The following HNF4G variants were observed in gnomAD, a reference collection of about 807,000 sequenced individuals.
The protein encoded by HNF4G is hepatocyte nuclear factor 4-gamma.
A neutral mutation model predicts 50.9 loss-of-function variants in HNF4G; 21 were observed. The ratio of observed to expected loss-of-function variants is 0.41; its 90% CI spans 0.29 to 0.59. The LOEUF (loss-of-function observed/expected upper bound fraction) is 0.59, where lower values mean the gene tolerates loss of function less well. HNF4G is among the 20% of genes least tolerant of loss of function. The pLI is 0.26. For missense variants in HNF4G, 527 were observed against 559.4 expected (o/e 0.94, Z 0.58); for synonymous variants, 198 against 185.6 (o/e 1.07, Z -0.54).
chr8:75,473,954 A>G (rs1446365576), intron 1 of HNF4G, among the ~76,000 whole-genome samples: 1 of 152,218 alleles, frequency 6.6e-6, no homozygotes. Flanking sequence ...AACGGAAACA[A>G]AAAACAAAAC....
At chr8:75,445,128 C>T (rs1329614795) in intron 1 of HNF4G, among the ~76,000 whole-genome samples, 9 of 139,822 alleles carry the variant, frequency 6.4e-5, no homozygotes, top group Non-Finnish European at 1.4e-4. Flanking sequence ...AAGAATCTCA[C>T]TCAAAGCGGC....
chr8:75,425,062 C>CTATTTATT (rs71271860), intron 1 of HNF4G, among the ~76,000 whole-genome samples: 63,533 of 142,320 alleles, frequency 0.45, 14,611 homozygotes, highest in Middle Eastern at 0.52. Flanking sequence ...TCAATGCAGC[C>CTATTTATT]TATTTATTTA....
chr8:75,558,410 A>G (rs1807193646), intron 6 of HNF4G, 108 bp from the exon 7 acceptor site: 1 of 967,030 alleles, frequency 1.0e-6, no homozygotes, highest in Admixed American at 2.8e-5. Context: ...CTATTCCTTC[A>G]AGGGTAGACT....
upstream of HNF4G, among the ~76,000 whole-genome samples, chr8:75,538,654 TAAAG>T (rs1197857630): frequency 6.6e-6 from 1 of 152,180 alleles, no homozygotes; most frequent in African/African-American, 2.4e-5. Context: ...TAGTCTTCAT[TAAAG>T]AAAGCCAAAA....
intron 2 of HNF4G, among the ~76,000 whole-genome samples, chr8:75,547,213 A>C (rs73690960): frequency 0.014 from 2,071 of 152,352 alleles, 41 homozygotes; most frequent in African/African-American, 0.046. Flanking sequence ...GCATGAAAAT[A>C]CAGGGCCATG....
intron 1 of HNF4G, among the ~76,000 whole-genome samples, chr8:75,410,781 C>G (rs1810481680): frequency 6.6e-6 from 1 of 152,112 alleles, no homozygotes. Flanking sequence ...GTTGTTGAAA[C>G]AAACACAGTC....
intron 2 of HNF4G, among the ~76,000 whole-genome samples, chr8:75,507,541 G>A (rs1376081083): frequency 1.3e-5 from 2 of 152,212 alleles, no homozygotes; most frequent in South Asian, 4.1e-4. Flanking sequence ...TTACAGGCGT[G>A]AGCCACTGTG....
intron 1 of HNF4G, among the ~76,000 whole-genome samples, chr8:75,410,935 T>C (rs1454237817): frequency 1.3e-5 from 2 of 152,188 alleles, no homozygotes; most frequent in African/African-American, 2.4e-5. Flanking sequence ...CACACACACA[T>C]ATAGATCAGG....
intron 1 of HNF4G, among the ~76,000 whole-genome samples, chr8:75,478,200 G>C (rs1376005518): frequency 6.6e-6 from 1 of 152,040 alleles, no homozygotes; most frequent in Non-Finnish European, 1.5e-5. Context: ...TGTGATCCCA[G>C]CTCCTTGGTA....
intron 1 of HNF4G, among the ~76,000 whole-genome samples, chr8:75,457,372 A>G (rs1417825103): frequency 6.6e-6 from 1 of 152,160 alleles, no homozygotes; most frequent in African/African-American, 2.4e-5. Flanking sequence ...GCTTTATATG[A>G]TCCTTAAGAT....
intron 2 of HNF4G, among the ~76,000 whole-genome samples, chr8:75,501,352 C>T (rs1194847584): frequency 2.0e-5 from 3 of 152,002 alleles, no homozygotes; most frequent in Admixed American, 2.0e-4. Flanking sequence ...AGGCTGAGGC[C>T]AGAGGCTCAG....
At chr8:75,535,208 A>C (rs1806430852), upstream of HNF4G, among the ~76,000 whole-genome samples, 1 of 151,810 alleles carries the variant, frequency 6.6e-6, no homozygotes, top group Admixed American at 6.6e-5. Flanking sequence ...ACTTGCCTTA[A>C]ATATTAAAAT....
intron 5 of HNF4G, among the ~76,000 whole-genome samples, chr8:75,555,671 G>C (rs140814015): frequency 3.3e-5 from 5 of 151,230 alleles, no homozygotes; most frequent in Admixed American, 6.6e-5. Context: ...GTAAGTGGCC[G>C]TGCTGGGATT....
chr8:75,528,379 A>G (rs1475733468), intron 2 of HNF4G, among the ~76,000 whole-genome samples: 1 of 152,202 alleles, frequency 6.6e-6, no homozygotes, highest in Admixed American at 6.5e-5. Flanking sequence ...CTTCATGTAA[A>G]ACCTCAATGA....
intron 2 of HNF4G, among the ~76,000 whole-genome samples, chr8:75,496,274 G>A (rs893212315): frequency 2.2e-4 from 34 of 151,894 alleles, no homozygotes; most frequent in East Asian, 1.9e-4. Context: ...TTCTAGTCAC[G>A]GTTATCCTTT....
chr8:75,422,746 G>A (rs1810802401), intron 1 of HNF4G, among the ~76,000 whole-genome samples: 2 of 151,794 alleles, frequency 1.3e-5, no homozygotes, highest in Admixed American at 1.3e-4. Flanking sequence ...CCATTCTCCT[G>A]ACTCAGCCTC....
chr8:75,417,121 G>GCGCA (rs1470800890), intron 1 of HNF4G, among the ~76,000 whole-genome samples: 2 of 151,338 alleles, frequency 1.3e-5, no homozygotes, highest in South Asian at 2.1e-4. Flanking sequence ...ACGCGTGTGC[G>GCGCA]CACACACACA....
chr8:75,455,187 G>A (rs1470362452), intron 1 of HNF4G, among the ~76,000 whole-genome samples: 2 of 151,958 alleles, frequency 1.3e-5, no homozygotes, highest in Non-Finnish European at 2.9e-5. Flanking sequence ...TTTGGAGACC[G>A]ACTTCCTAAC....
chr8:75,481,852 CT>C (rs147997381), intron 1 of HNF4G, among the ~76,000 whole-genome samples: 8,070 of 152,104 alleles, frequency 0.053, 267 homozygotes, highest in Non-Finnish European at 0.066. Context: ...GTAATGGCCA[CT>C]TGTATACACT....
Sources: allele counts gnomAD v4.1 joint callset (sites outside exome capture counted in the v4.1 genomes callset), GRCh38; gene constraint gnomAD v4.1.1; transcripts MANE v1.5; gene names NCBI Gene and HGNC (gene_info 2026-07-23, HGNC 2026-07-21).